GPC5: variants seen among roughly 807,000 people sequenced by gnomAD.
GPC5 encodes the protein glypican 5.
A neutral mutation model predicts 53.9 loss-of-function variants in GPC5; 47 were observed. The ratio of observed to expected loss-of-function variants is 0.87; its 90% CI spans 0.69 to 1.11. GPC5 has a LOEUF of 1.11. GPC5 is among the 50% of genes most tolerant of loss of function. The pLI is 0.00. For synonymous variants in GPC5, 286 were observed against 263.3 expected (o/e 1.09, Z -0.84); for missense variants, 748 against 713.1 (o/e 1.05, Z -0.56).
chr13:92,432,225 C>T lies in GPC5; in HGVS notation c.1561+287236C>T, dbSNP rs1306807610. Reference sequence around the variant, plus strand: ...CACCAGAAACTGACCATTCTGGCTCCCTGATATCGTACTTCTGCCTTTCAG... The same window carrying T: ...CACCAGAAACTGACCATTCTGGCTCTCTGATATCGTACTTCTGCCTTTCAG... On this transcript the variant is annotated intron_variant, in intron 7 of 7. Coordinates refer to ENST00000377067, the MANE Select transcript of GPC5 (RefSeq NM_004466.6). Among the ~76,000 whole-genome samples, 3 of 152,100 alleles carry T rather than the reference C, an allele frequency of 2.0e-5. No homozygotes were observed. The East Asian group carries it at 5.8e-4, about 29-fold the overall frequency.
At chr13:91,425,449 C>A (rs1249307389) in intron 1 of GPC5, among the ~76,000 whole-genome samples, 1 of 152,066 alleles carries the variant, frequency 6.6e-6, no homozygotes, top group African/African-American at 2.4e-5. Context: ...AGCAGTTTCC[C>A]CCATGCTCTT....
intron 2 of GPC5, among the ~76,000 whole-genome samples, chr13:91,524,788 C>T (rs1406814505): frequency 6.6e-6 from 1 of 152,132 alleles, no homozygotes; most frequent in African/African-American, 2.4e-5. Context: ...CATTTGCTCT[C>T]CGTGGTATCC....
intron 7 of GPC5, among the ~76,000 whole-genome samples, chr13:92,147,876 T>G (rs1401217603): frequency 3.3e-5 from 5 of 152,096 alleles, no homozygotes. Flanking sequence ...GTCACATTTC[T>G]ATTTTTATAA....
intron 2 of GPC5, among the ~76,000 whole-genome samples, chr13:91,464,231 A>G (rs999311028): frequency 6.6e-6 from 1 of 152,094 alleles, no homozygotes; most frequent in Non-Finnish European, 1.5e-5. Flanking sequence ...AATAACACCA[A>G]TTGTTGACAA....
chr13:91,740,226 C>T (rs2036901864), intron 4 of GPC5, among the ~76,000 whole-genome samples: 1 of 152,092 alleles, frequency 6.6e-6, no homozygotes, highest in Admixed American at 6.6e-5. Flanking sequence ...TTAAAGGTAC[C>T]TAAAATAAAT....
chr13:92,332,449 T>C (rs534850563), intron 7 of GPC5, among the ~76,000 whole-genome samples: 1 of 152,276 alleles, frequency 6.6e-6, no homozygotes, highest in African/African-American at 2.4e-5. Context: ...CCATCCTAGT[T>C]TCATTTAATA....
chr13:91,443,051 A>C (rs1880548205), intron 1 of GPC5, among the ~76,000 whole-genome samples: 1 of 152,206 alleles, frequency 6.6e-6, no homozygotes, highest in African/African-American at 2.4e-5. Flanking sequence ...ATACAGTCCC[A>C]TGGATTTAAG....
intron 1 of GPC5, among the ~76,000 whole-genome samples, chr13:91,442,935 C>T (rs1566402248): frequency 1.3e-5 from 2 of 152,116 alleles, no homozygotes. Context: ...CAGTTCATAT[C>T]CAAAAGGAAG....
At chr13:92,611,804 C>T (rs1884445736) in intron 7 of GPC5, among the ~76,000 whole-genome samples, 1 of 151,982 alleles carries the variant, frequency 6.6e-6, no homozygotes, top group Non-Finnish European at 1.5e-5. Context: ...ATTTCTAGTA[C>T]AGAAAGACAT....
At chr13:92,385,660 T>TACAC (rs1313936508) in intron 7 of GPC5, among the ~76,000 whole-genome samples, 2 of 141,678 alleles carry the variant, frequency 1.4e-5, no homozygotes, top group African/African-American at 2.6e-5. Context: ...CACATATATA[T>TACAC]ATACATATAT....
At chr13:92,265,816 C>T (rs1322134490) in intron 7 of GPC5, among the ~76,000 whole-genome samples, 1 of 152,122 alleles carries the variant, frequency 6.6e-6, no homozygotes, top group African/African-American at 2.4e-5. Flanking sequence ...TACCTCAGAC[C>T]CTGGATAATT....
At chr13:91,748,485 C>T (rs150020131) in intron 4 of GPC5, among the ~76,000 whole-genome samples, 2 of 152,290 alleles carry the variant, frequency 1.3e-5, no homozygotes, top group East Asian at 3.9e-4. Flanking sequence ...CTTGTAGGAG[C>T]TTCTAATTCT....
chr13:92,247,228 A>G lies in GPC5; in HGVS notation c.1561+102239A>G, dbSNP rs188690894. 1.6e-4 allele frequency among the ~76,000 whole-genome samples: 25 copies of G among 152,306 alleles called. No individual in the cohort carries two copies. The East Asian group carries it at 3.7e-3, about 22-fold the overall frequency. ...TTAAATACCTTTCAGCTTACAAAAC[A>G]CTTGCATGTATATATGTATGTGTAT... On this transcript the variant is annotated intron_variant, in intron 7 of 7. Coordinates refer to ENST00000377067, the MANE Select transcript of GPC5 (RefSeq NM_004466.6).
intron 2 of GPC5, among the ~76,000 whole-genome samples, chr13:91,564,010 T>C (rs1335580380): frequency 1.3e-5 from 2 of 152,132 alleles, no homozygotes; most frequent in African/African-American, 4.8e-5. Context: ...CCCAACCAAC[T>C]CCTCTTTTGG....
chr13:92,841,911 T>C (rs1878442891), intron 7 of GPC5, among the ~76,000 whole-genome samples: 1 of 152,092 alleles, frequency 6.6e-6, no homozygotes, highest in Admixed American at 6.6e-5. Flanking sequence ...CTCTCTTCCA[T>C]CTCCCTTGAA....
At chr13:91,421,272 A>G (rs558281024) in intron 1 of GPC5, among the ~76,000 whole-genome samples, 1 of 152,212 alleles carries the variant, frequency 6.6e-6, no homozygotes, top group Non-Finnish European at 1.5e-5. Context: ...GGTTATAAAG[A>G]ACTCCTCACA....
intron 6 of GPC5, among the ~76,000 whole-genome samples, chr13:92,142,296 T>C (rs1199427777): frequency 6.6e-6 from 1 of 152,220 alleles, no homozygotes; most frequent in Non-Finnish European, 1.5e-5. Context: ...ATCAGTTACA[T>C]TGCAAAATTC....
intron 7 of GPC5, among the ~76,000 whole-genome samples, chr13:92,511,873 G>A (rs1002718555): frequency 1.3e-5 from 2 of 152,088 alleles, no homozygotes; most frequent in Non-Finnish European, 2.9e-5. Context: ...TTCCATCTCA[G>A]TAGGTTATGC....
chr13:92,540,589 G>A (rs911637300), intron 7 of GPC5, among the ~76,000 whole-genome samples: 1 of 151,930 alleles, frequency 6.6e-6, no homozygotes, highest in East Asian at 1.9e-4. Context: ...GATTTGACCA[G>A]CTTATTTTTG....
Sources: gnomAD v4.1 joint callset for allele counts (sites outside exome capture counted in the v4.1 genomes callset) on GRCh38, gnomAD v4.1.1 for gene constraint, MANE v1.5 for transcripts, NCBI Gene and HGNC (gene_info 2026-07-23, HGNC 2026-07-21) for gene names.